Variants in DNER observed in about 807,000 individuals in gnomAD.
DNER encodes the protein delta/notch like EGF repeat containing.
DNER carries 33 observed loss-of-function variants against 78.2 expected under a neutral mutation model. The observed-to-expected ratio is 0.42, with a 90% CI of 0.32 to 0.56. The LOEUF is 0.56. DNER is among the 20% of genes least tolerant of loss of function. DNER has a pLI of 0.11. For missense variants in DNER, 918 were observed against 975.3 expected, an observed-to-expected ratio of 0.94 and a Z score of 0.78; for synonymous variants, 417 against 384.8, an observed-to-expected ratio of 1.08 and a Z score of -0.98.
chr2:229,684,081 C>G (rs1433480036), intron 1 of DNER, among the ~76,000 whole-genome samples: 2 of 145,214 alleles, frequency 1.4e-5, no homozygotes, highest in African/African-American at 5.2e-5. Context: ...CTGCTGAGAA[C>G]AGGAGATAGT....
At chr2:229,396,349 C>T (rs908645639) in intron 10 of DNER, among the ~76,000 whole-genome samples, 12 of 151,980 alleles carry the variant, frequency 7.9e-5, no homozygotes, top group Admixed American at 5.2e-4. Flanking sequence ...AAGATTTTTT[C>T]AGTAATTTAA....
intron 9 of DNER, among the ~76,000 whole-genome samples, chr2:229,408,959 C>T (rs535244049): frequency 6.6e-6 from 1 of 152,300 alleles, no homozygotes; most frequent in African/African-American, 2.4e-5. Flanking sequence ...CTGCCTCGTG[C>T]CTGGTGGGAT....
chr2:229,524,079 A>C lies in DNER; in HGVS notation c.994-11143T>G, dbSNP rs1221580932. 2.6e-5 allele frequency among the ~76,000 whole-genome samples: 4 copies of C among 152,228 alleles called. No individual in the cohort carries two copies. In the East Asian group the frequency reaches 7.7e-4, roughly 29 times the overall value. ...TATTTGAGGTAACTGAGGCACAGAG[A>C]GGGTGAGTAAATTGACCAAGGTCCG... On this transcript the variant is annotated intron_variant, in intron 5 of 12. Transcript: ENST00000341772.
chr2:229,554,941 A>AGAGAAGAGAGAAAAGGGAAGGG lies in DNER; in HGVS notation c.848-7850_848-7849insCCCTTCCCTTTTCTCTCTTCTC, dbSNP rs1559165523. 4.7e-4 allele frequency among the ~76,000 whole-genome samples: 12 copies of AGAGAAGAGAGAAAAGGGAAGGG among 25,568 alleles called. 1 individual carries two copies. The highest frequency in any genetic ancestry group is 8.7e-4 in the Non-Finnish European group (11 of 12,658). 16.8% of individuals were successfully genotyped at this position (25,568 alleles called of 152,430 possible). ...AGAAGAGAAGAGAAGAGAAGAGAGA[A>AGAGAAGAGAGAAAAGGGAAGGG]AAGGGAAGGGAAGGGAAGGGAAGGG... On this transcript the variant is annotated intron_variant, in intron 4 of 12. Coordinates refer to ENST00000341772, the MANE Select transcript of DNER (RefSeq NM_139072.4).
intron 4 of DNER, among the ~76,000 whole-genome samples, chr2:229,576,066 T>A (rs1390239608): frequency 6.6e-6 from 1 of 152,230 alleles, no homozygotes; most frequent in African/African-American, 2.4e-5. Flanking sequence ...AACATTCCAA[T>A]GGTTCTCCCC....
At chr2:229,693,315 T>A (rs1699611956) in intron 1 of DNER, among the ~76,000 whole-genome samples, 2 of 151,786 alleles carry the variant, frequency 1.3e-5, no homozygotes, top group African/African-American at 4.8e-5. Context: ...CAAAACTGAG[T>A]TAATTAAACC....
chr2:229,619,386 A>G (rs1698216656), intron 1 of DNER, among the ~76,000 whole-genome samples: 1 of 152,188 alleles, frequency 6.6e-6, no homozygotes, highest in Non-Finnish European at 1.5e-5. Flanking sequence ...CATTAGAAAG[A>G]AAAGTTTTTA....
At chr2:229,676,415 C>A (rs1699302208) in intron 1 of DNER, among the ~76,000 whole-genome samples, 1 of 152,232 alleles carries the variant, frequency 6.6e-6, no homozygotes. Context: ...GAAAATACAT[C>A]TGGCAAGTGC....
At chr2:229,713,057 CATT>C (rs1168523662) in intron 1 of DNER, among the ~76,000 whole-genome samples, 5 of 152,214 alleles carry the variant, frequency 3.3e-5, no homozygotes, top group Non-Finnish European at 2.9e-5. Flanking sequence ...ACTCTCCAAT[CATT>C]GTTATCAAAT....
At chr2:229,622,731 G>C (rs980061887) in intron 1 of DNER, among the ~76,000 whole-genome samples, 11 of 152,122 alleles carry the variant, frequency 7.2e-5, no homozygotes, top group Non-Finnish European at 1.3e-4. Context: ...TTCCTTATAA[G>C]AAGAGAAGAA....
At chr2:229,632,739 T>A (rs1458317462) in intron 1 of DNER, among the ~76,000 whole-genome samples, 2 of 152,206 alleles carry the variant, frequency 1.3e-5, no homozygotes, top group African/African-American at 4.8e-5. Context: ...GAGATGATAT[T>A]AATTAGTAAA....
At chr2:229,560,837 C>T (rs1324037606) in intron 4 of DNER, among the ~76,000 whole-genome samples, 2 of 152,064 alleles carry the variant, frequency 1.3e-5, no homozygotes, top group Non-Finnish European at 2.9e-5. Context: ...TTCCATTACA[C>T]GTAAGCAGAA....
At chr2:229,411,159 C>G (rs1186660261) in intron 9 of DNER, among the ~76,000 whole-genome samples, 2 of 152,168 alleles carry the variant, frequency 1.3e-5, no homozygotes, top group African/African-American at 4.8e-5. Flanking sequence ...ACCAGAAATT[C>G]TTGTTCCCTG....
chr2:229,398,132 AC>A (rs1693190378), intron 10 of DNER, among the ~76,000 whole-genome samples: 1 of 152,172 alleles, frequency 6.6e-6, no homozygotes, highest in African/African-American at 2.4e-5. Flanking sequence ...AGCAAGATTG[AC>A]AAAGGAAAAA....
In DNER at chr2:229,571,740, C is replaced by A. The variant is rs550787416; in HGVS notation, c.847+14118G>T. ...TATTCCCATTGATGAGACCTCCCCCCCTGAAACCGTGGTGTCTGTCACTCT... is the reference window on the plus strand; with the variant it reads ...TATTCCCATTGATGAGACCTCCCCCACTGAAACCGTGGTGTCTGTCACTCT... On this transcript the variant is annotated intron_variant, in intron 4 of 12. Coordinates refer to ENST00000341772, the MANE Select transcript of DNER (RefSeq NM_139072.4). Among the ~76,000 whole-genome samples, 52 of 152,236 alleles carry A rather than the reference C, an allele frequency of 3.4e-4. 1 individual carries two copies. The highest frequency in any genetic ancestry group is 1.2e-3 in the Admixed American group (19 of 15,288).
chr2:229,562,438 T>C (rs914283242), intron 4 of DNER, among the ~76,000 whole-genome samples: 8 of 152,224 alleles, frequency 5.3e-5, no homozygotes, highest in Non-Finnish European at 7.3e-5. Context: ...TAGGGATATA[T>C]GAAATATGCA....
intron 1 of DNER, among the ~76,000 whole-genome samples, chr2:229,615,008 A>G (rs945699338): frequency 2.6e-5 from 4 of 152,212 alleles, no homozygotes; most frequent in African/African-American, 9.6e-5. Context: ...TCATTCTTAG[A>G]AGGGTAAATG....
At chr2:229,592,349 G>A (rs1697624329) in intron 1 of DNER, among the ~76,000 whole-genome samples, 1 of 152,182 alleles carries the variant, frequency 6.6e-6, no homozygotes, top group Admixed American at 6.5e-5. Flanking sequence ...CCCTGCAGAT[G>A]TGCTTACCTG....
In DNER at chr2:229,676,858, G is replaced by A. The variant is rs149319709; in HGVS notation, c.276+37290C>T. 8.0e-3 allele frequency among the ~76,000 whole-genome samples: 1,222 copies of A among 152,224 alleles called. 10 individuals carry two copies. Among genetic ancestry groups the A allele is most frequent in the Middle Eastern group, 0.058 (17 of 294 alleles). On this transcript the variant is annotated intron_variant, in intron 1 of 12. Coordinates refer to ENST00000341772, the MANE Select transcript of DNER (RefSeq NM_139072.4). ...GAGCTGTCACCCAGTGTAGGGTTTG[G>A]ATACCATGCTCACAGTAATATACAG...
Sources: allele counts gnomAD v4.1 joint callset (sites outside exome capture counted in the v4.1 genomes callset), GRCh38; gene constraint gnomAD v4.1.1; transcripts MANE v1.5; gene names NCBI Gene and HGNC (gene_info 2026-07-23, HGNC 2026-07-21).